RFX7: variants seen among roughly 807,000 people sequenced by gnomAD.
The protein encoded by RFX7 is regulatory factor X7.
RFX7 carries 26 observed loss-of-function variants against 111.8 expected under a neutral mutation model. The ratio of observed to expected loss-of-function variants is 0.23; its 90% confidence interval spans 0.17 to 0.32. RFX7 has a LOEUF of 0.32. Among genes scored for constraint, RFX7 ranks in the 10% least tolerant of loss-of-function variants. RFX7 has a pLI of 1.00. For synonymous variants in RFX7, 624 were observed against 624.4 expected (o/e 1.00, Z 0.01); for missense variants, 1,573 against 1,772.9 (o/e 0.89, Z 2.02).
At chr15:56,234,068 C>A (rs2043597054) in intron 2 of RFX7, among the ~76,000 whole-genome samples, 1 of 152,110 alleles carries the variant, frequency 6.6e-6, no homozygotes, top group Admixed American at 6.5e-5. Context: ...GATTTATAGC[C>A]CATCCCTTGA....
intron 2 of RFX7, among the ~76,000 whole-genome samples, chr15:56,194,829 A>T (rs1471454211): frequency 6.6e-6 from 1 of 152,152 alleles, no homozygotes; most frequent in Non-Finnish European, 1.5e-5. Context: ...ATGAAAGATG[A>T]TATGGCTGCT....
intron 5 of RFX7, among the ~76,000 whole-genome samples, chr15:56,113,834 C>CACG (rs2041970967): frequency 6.6e-6 from 1 of 152,002 alleles, no homozygotes; most frequent in South Asian, 2.1e-4. Context: ...TCTTAGTATT[C>CACG]AAATATTATA....
intron 5 of RFX7, among the ~76,000 whole-genome samples, chr15:56,135,516 C>T (rs1387975899): frequency 2.6e-5 from 4 of 151,780 alleles, no homozygotes; most frequent in South Asian, 2.1e-4. Context: ...TGGATATTAG[C>T]CCTTTGTCAG....
intron 5 of RFX7, among the ~76,000 whole-genome samples, chr15:56,142,182 T>TA (rs1287979574): frequency 1.3e-5 from 2 of 152,182 alleles, no homozygotes; most frequent in African/African-American, 2.4e-5. Context: ...ATTTAGCACC[T>TA]ATTAACCTTT....
chr15:56,185,062 CCT>C (rs2043023537), intron 2 of RFX7, among the ~76,000 whole-genome samples: 1 of 152,068 alleles, frequency 6.6e-6, no homozygotes, highest in African/African-American at 2.4e-5. Flanking sequence ...AACACATTTT[CCT>C]CTTAGTTCTT....
intron 7 of RFX7, 48 bp downstream of exon 7, chr15:56,102,121 T>C (rs750644883): frequency 5.9e-6 from 8 of 1,352,224 alleles, no homozygotes; most frequent in Non-Finnish European, 8.4e-6. Context: ...TCAATGTTAA[T>C]ATAAAGGTAC....
At chr15:56,221,589 G>GT (rs1341200855) in intron 2 of RFX7, among the ~76,000 whole-genome samples, 1 of 151,938 alleles carries the variant, frequency 6.6e-6, no homozygotes, top group Non-Finnish European at 1.5e-5. Flanking sequence ...TAATGGTCTT[G>GT]TTTTTTATTC....
In RFX7 at chr15:56,093,890, G is replaced by A; in HGVS notation, c.3838C>T (p.Arg1280Trp). The A allele has an allele frequency of 2.5e-6, 4 of 1,613,932 alleles. No homozygotes were observed. Among genetic ancestry groups the A allele is most frequent in the Non-Finnish European group, 2.5e-6 (3 of 1,179,882 alleles). ...TCCAAAATCTGAGTGAGATTCATCC[G>A]GGCTGTATAATTAGAGGGCAGGTTG... ...MNNLPSNYTA[R>W]MNLTQILEPS... Residue 1280 changes from arginine (R) to tryptophan (W), a missense_variant, in exon 10 of 10, where the codon CGG becomes TGG. Physicochemically the swap from Arg to Trp is moderately radical, Grantham distance 101 (BLOSUM62 -3). Coordinates refer to ENST00000559447, the MANE Select transcript of RFX7 (RefSeq NM_022841.7).
At chr15:56,232,974 A>G (rs554406018) in intron 2 of RFX7, among the ~76,000 whole-genome samples, 3 of 152,180 alleles carry the variant, frequency 2.0e-5, no homozygotes, top group East Asian at 1.9e-4. Context: ...ACATTTTCCT[A>G]TCTTCTTCTG....
At chr15:56,146,134 G>A (rs1232083841) in intron 3 of RFX7, among the ~76,000 whole-genome samples, 1 of 151,846 alleles carries the variant, frequency 6.6e-6, no homozygotes, top group Non-Finnish European at 1.5e-5. Flanking sequence ...GTCTCACTCT[G>A]TTGCCCAGAT....
intron 2 of RFX7, among the ~76,000 whole-genome samples, chr15:56,181,887 C>G (rs72738638): frequency 1.3e-5 from 2 of 152,022 alleles, no homozygotes; most frequent in South Asian, 2.1e-4. Flanking sequence ...AGCAACCAAG[C>G]GCATTACTGC....
At position 56,093,599 on chromosome 15, in the gene RFX7, C is replaced by T. The variant is rs749142449; in HGVS notation, c.4129G>A (p.Ala1377Thr). ...GQGASDLTNT[A>T]SDFSSDIRLS... ...CTGATATCGCTAGAGAAATCAGATGCAGTATTAGTGAGATCAGATGCTCCC... is the reference window on the plus strand; with the variant it reads ...CTGATATCGCTAGAGAAATCAGATGTAGTATTAGTGAGATCAGATGCTCCC... The change falls in exon 10 of 10, where the codon GCA (alanine) becomes ACA (threonine). Residue 1377 changes from alanine (A) to threonine (T), a missense_variant. Ala to Thr is a moderately conservative substitution (Grantham distance 58). Coordinates refer to ENST00000559447, the MANE Select transcript of RFX7 (RefSeq NM_022841.7). The T allele has an allele frequency of 8.7e-6, 14 of 1,613,668 alleles. No homozygotes were observed. In the South Asian group the frequency reaches 1.3e-4, roughly 15 times the overall value.
chr15:56,221,804 T>C (rs2043429637), intron 2 of RFX7, among the ~76,000 whole-genome samples: 1 of 152,350 alleles, frequency 6.6e-6, no homozygotes. Flanking sequence ...CAATTCAATC[T>C]GTCTTACTAC....
At chr15:56,212,367 TAGTCAGAGCAC>T (rs2043321093) in intron 2 of RFX7, among the ~76,000 whole-genome samples, 1 of 152,122 alleles carries the variant, frequency 6.6e-6, no homozygotes, top group African/African-American at 2.4e-5. Flanking sequence ...GAAGAATGTA[TAGTCAGAGCAC>T]AGAGGACTTT....
At chr15:56,108,174 G>T (rs2041857216) in intron 5 of RFX7, among the ~76,000 whole-genome samples, 1 of 152,116 alleles carries the variant, frequency 6.6e-6, no homozygotes, top group African/African-American at 2.4e-5. Flanking sequence ...CCAAATAATT[G>T]AAAAGGAAGG....
intron 2 of RFX7, among the ~76,000 whole-genome samples, chr15:56,231,766 C>T (rs1486887339): frequency 5.2e-4 from 79 of 152,154 alleles, no homozygotes; most frequent in Non-Finnish European, 1.5e-4. Flanking sequence ...AGGCAAATCC[C>T]TTCCACCTAT....
intron 4 of RFX7, 103 bp from the exon 5 acceptor site, chr15:56,143,003 A>G (rs2042422226): frequency 3.9e-6 from 5 of 1,267,812 alleles, no homozygotes; most frequent in Non-Finnish European, 5.5e-6. Flanking sequence ...CAAATACACT[A>G]TCAACGACCA....
At chr15:56,152,019 T>C (rs1028416413) in intron 3 of RFX7, among the ~76,000 whole-genome samples, 3 of 152,178 alleles carry the variant, frequency 2.0e-5, no homozygotes, top group African/African-American at 2.4e-5. Flanking sequence ...ATCCTAAATA[T>C]ATACGCAGCC....
chr15:56,096,562 T>C lies in RFX7; in HGVS notation c.1166A>G (p.Lys389Arg). The C allele has an allele frequency of 6.3e-7, 1 of 1,599,764 alleles. No individual in the cohort carries two copies. Among genetic ancestry groups the C allele is most frequent in the Non-Finnish European group, 8.5e-7 (1 of 1,172,796 alleles). Residue 389 changes from lysine (K) to arginine (R), a missense_variant, in exon 10 of 10, where the codon AAA (lysine) becomes AGA (arginine). By Grantham distance (26) the Lys-to-Arg change is conservative. Around this residue, in one of 7 missense-constraint regions of RFX7, gnomAD observed 288 missense variants for 337.9 expected, o/e 0.85. Transcript: ENST00000559447. ...SPSPMSSSDG[K>R]VLPLNVQVVT... ...CACCTGTACATTGAGGGGAAGAACT[T>C]TGCCGTCAGAAGAACTCATTGGACT...
Sources: allele counts gnomAD v4.1 joint callset (sites outside exome capture counted in the v4.1 genomes callset), GRCh38; gene constraint gnomAD v4.1.1; regional missense constraint gnomAD v4.1.1; transcripts MANE v1.5; gene names NCBI Gene and HGNC (gene_info 2026-07-23, HGNC 2026-07-21).